TAFA1: variants seen among roughly 807,000 people sequenced by gnomAD.
TAFA1 encodes the protein chemokine-like protein TAFA-1.
TAFA1 carries 4 observed loss-of-function variants against 18.5 expected under a neutral mutation model. The observed-to-expected ratio is 0.22, with a 90% CI of 0.11 to 0.49. The LOEUF (loss-of-function observed/expected upper bound fraction) is 0.49. Ranked by LOEUF, TAFA1 falls within the 20% of genes least tolerant of loss-of-function variation. The pLI, the probability that TAFA1 is intolerant of heterozygous loss-of-function variation, is 0.98. For synonymous variants in TAFA1, 56 were observed against 55.2 expected, an observed-to-expected ratio of 1.01 and a Z score of -0.06; for missense variants, 147 against 169.0, an observed-to-expected ratio of 0.87 and a Z score of 0.72.
In TAFA1 at chr3:68,296,091, A is replaced by G. The variant is rs2068202126; in HGVS notation, c.119-121189A>G. 1.3e-5 allele frequency among the ~76,000 whole-genome samples: 2 copies of G among 152,192 alleles called. 1 individual carries two copies. Among genetic ancestry groups the G allele is most frequent in the South Asian group, 4.1e-4 (2 of 4,830 alleles). ...TTATTATACATGAGAATTAATATAG[A>G]CAAACCAATAAATCATAGCTACTTC... On this transcript the variant is annotated intron_variant, in intron 2 of 4. Transcript: ENST00000478136.
At chr3:68,528,321 C>T (rs1314467088) in intron 3 of TAFA1, among the ~76,000 whole-genome samples, 1 of 152,196 alleles carries the variant, frequency 6.6e-6, no homozygotes, top group Non-Finnish European at 1.5e-5. Flanking sequence ...CAAAGTCATA[C>T]TATTACAAAG....
chr3:67,993,066 T>C, the TAFA1 span, among the ~76,000 whole-genome samples: 2 of 152,178 alleles, frequency 1.3e-5, no homozygotes, highest in African/African-American at 2.4e-5. Context: ...AGATGCTTGG[T>C]AGACACAACA....
At chr3:68,285,808 A>C (rs370348539) in intron 2 of TAFA1, among the ~76,000 whole-genome samples, 14 of 152,328 alleles carry the variant, frequency 9.2e-5, no homozygotes, top group African/African-American at 3.4e-4. Context: ...TGAGATTTGC[A>C]TTAAATATTT....
At chr3:68,529,047 C>A (rs1420139660) in intron 3 of TAFA1, among the ~76,000 whole-genome samples, 1 of 151,584 alleles carries the variant, frequency 6.6e-6, no homozygotes, top group African/African-American at 2.4e-5. Flanking sequence ...TGTGTTTATT[C>A]ATTCATAAGT....
At chr3:68,038,726 G>C (rs1490942033) in intron 2 of TAFA1, among the ~76,000 whole-genome samples, 1 of 151,954 alleles carries the variant, frequency 6.6e-6, no homozygotes, top group African/African-American at 2.4e-5. Flanking sequence ...GAAAAGCAAT[G>C]ACATTAAAAG....
intron 3 of TAFA1, among the ~76,000 whole-genome samples, chr3:68,497,660 C>T (rs941310747): frequency 6.6e-6 from 1 of 152,080 alleles, no homozygotes. Context: ...TTGCAAGGAG[C>T]CTGAAATGAC....
At chr3:68,343,249 C>G (rs76800770) in intron 2 of TAFA1, among the ~76,000 whole-genome samples, 1,723 of 152,246 alleles carry the variant, frequency 0.011, 43 homozygotes, top group South Asian at 0.052. Context: ...AGTCTTCAGA[C>G]CACCCATGTA....
At chr3:68,053,774 G>C (rs1028397104) in intron 2 of TAFA1, among the ~76,000 whole-genome samples, 1 of 152,142 alleles carries the variant, frequency 6.6e-6, no homozygotes, top group Non-Finnish European at 1.5e-5. Context: ...TGCAATCATA[G>C]CTCACTGCAG....
At chr3:68,016,314 A>AG (rs1704569059) in intron 2 of TAFA1, among the ~76,000 whole-genome samples, 1 of 152,164 alleles carries the variant, frequency 6.6e-6, no homozygotes, top group Non-Finnish European at 1.5e-5. Context: ...GGTCCCATAA[A>AG]ATTATAATAC....
At chr3:68,163,948 T>C (rs1451138134) in intron 2 of TAFA1, among the ~76,000 whole-genome samples, 1 of 152,224 alleles carries the variant, frequency 6.6e-6, no homozygotes, top group Non-Finnish European at 1.5e-5. Context: ...CTTAGGTCTA[T>C]AAATTGTGTA....
At chr3:68,499,658 A>G (rs995640970) in intron 3 of TAFA1, among the ~76,000 whole-genome samples, 1 of 151,920 alleles carries the variant, frequency 6.6e-6, no homozygotes, top group Admixed American at 6.6e-5. Flanking sequence ...TTAAAGTTCT[A>G]GTAGAACTAA....
chr3:68,108,123 T>C (rs1390820213), intron 2 of TAFA1, among the ~76,000 whole-genome samples: 1 of 152,120 alleles, frequency 6.6e-6, no homozygotes, highest in Non-Finnish European at 1.5e-5. Context: ...AGAAGTCACC[T>C]TTCACCTTTC....
At chr3:68,285,200 A>C (rs997999755) in intron 2 of TAFA1, among the ~76,000 whole-genome samples, 1 of 152,236 alleles carries the variant, frequency 6.6e-6, no homozygotes, top group African/African-American at 2.4e-5. Context: ...AAGTCCATTG[A>C]TATGAATTGC....
At chr3:68,007,917 G>C (rs1253923570) in intron 2 of TAFA1, among the ~76,000 whole-genome samples, 2 of 152,226 alleles carry the variant, frequency 1.3e-5, no homozygotes, top group Non-Finnish European at 2.9e-5. Flanking sequence ...TTCCCTGCTG[G>C]GGGCAGGCAT....
chr3:68,319,842 T>G (rs72930449), intron 2 of TAFA1, among the ~76,000 whole-genome samples: 2 of 152,188 alleles, frequency 1.3e-5, no homozygotes, highest in African/African-American at 4.8e-5. Context: ...AAGCCATGGT[T>G]TGAATCTACT....
chr3:68,293,889 G>C (rs1454894665), intron 2 of TAFA1, among the ~76,000 whole-genome samples: 1 of 152,202 alleles, frequency 6.6e-6, no homozygotes, highest in East Asian at 1.9e-4. Context: ...AGAGGTCAGG[G>C]AGAAAAGAGA....
At chr3:68,069,781 G>A (rs892516667) in intron 2 of TAFA1, among the ~76,000 whole-genome samples, 2 of 152,122 alleles carry the variant, frequency 1.3e-5, no homozygotes, top group African/African-American at 2.4e-5. Flanking sequence ...AAAACATAGG[G>A]GCTACAGGCC....
intron 2 of TAFA1, among the ~76,000 whole-genome samples, chr3:68,043,158 C>T (rs1705201725): frequency 6.6e-6 from 1 of 152,120 alleles, no homozygotes; most frequent in Non-Finnish European, 1.5e-5. Flanking sequence ...AGGTGTGAGC[C>T]ACCGTGCCCA....
chr3:68,115,687 G>C (rs946007323), intron 2 of TAFA1, among the ~76,000 whole-genome samples: 1 of 152,150 alleles, frequency 6.6e-6, no homozygotes, highest in African/African-American at 2.4e-5. Context: ...TTTGCAGACC[G>C]GTCAGCAGAA....
Sources: allele counts gnomAD v4.1 joint callset (sites outside exome capture counted in the v4.1 genomes callset), GRCh38; gene constraint gnomAD v4.1.1; transcripts MANE v1.5; gene names NCBI Gene and HGNC (gene_info 2026-07-23, HGNC 2026-07-21).